The following SYNPR variants were observed in gnomAD, a reference collection of about 807,000 sequenced individuals.
The protein encoded by SYNPR is synaptoporin.
A neutral mutation model predicts 32.9 loss-of-function variants in SYNPR; 23 were observed. That is an observed-to-expected ratio of 0.70 (90% CI 0.50 to 0.99). The LOEUF (loss-of-function observed/expected upper bound fraction) is 0.99. Among genes scored for constraint, SYNPR ranks in the 50% least tolerant of loss-of-function variants. The probability of loss-of-function intolerance (pLI) is 0.00; values close to 1 mark genes in which losing one functional copy is unlikely to be tolerated. For synonymous variants in SYNPR, 146 were observed against 135.9 expected (o/e 1.07, Z -0.52); for missense variants, 318 against 349.3 (o/e 0.91, Z 0.71).
chr3:63,491,071 C>T (rs904866852), intron 3 of SYNPR, among the ~76,000 whole-genome samples: 1 of 152,046 alleles, frequency 6.6e-6, no homozygotes. Flanking sequence ...ATCACCGTGT[C>T]AGCAGTCAAA....
chr3:63,560,771 T>C (rs1235373539), intron 4 of SYNPR, among the ~76,000 whole-genome samples: 3 of 152,128 alleles, frequency 2.0e-5, no homozygotes, highest in African/African-American at 7.2e-5. Flanking sequence ...TCAGATCTCA[T>C]GAGAACTCAC....
intron 2 of SYNPR, among the ~76,000 whole-genome samples, chr3:63,434,786 A>C (rs1231490817): frequency 6.6e-6 from 1 of 152,266 alleles, no homozygotes; most frequent in Non-Finnish European, 1.5e-5. Context: ...ATAAAAAATA[A>C]TAGAAGGAAA....
At chr3:63,530,232 C>T (rs1702086768) in intron 3 of SYNPR, among the ~76,000 whole-genome samples, 1 of 152,118 alleles carries the variant, frequency 6.6e-6, no homozygotes, top group South Asian at 2.1e-4. Context: ...TTCACTGGGC[C>T]CAGCAAATTA....
At chr3:63,356,331 C>A (rs905255481) in intron 2 of SYNPR, among the ~76,000 whole-genome samples, 2 of 152,204 alleles carry the variant, frequency 1.3e-5, no homozygotes, top group Non-Finnish European at 2.9e-5. Flanking sequence ...ACTTGGACAA[C>A]TTCTATGGTG....
At chr3:63,205,889 C>T in the SYNPR span, among the ~76,000 whole-genome samples, 9 of 152,134 alleles carry the variant, frequency 5.9e-5, no homozygotes, top group Non-Finnish European at 1.3e-4. Flanking sequence ...CCATGAATCC[C>T]CAGAGCATGT....
intron 2 of SYNPR, among the ~76,000 whole-genome samples, chr3:63,302,298 A>T (rs1357789147): frequency 3.3e-5 from 5 of 152,138 alleles, no homozygotes; most frequent in Middle Eastern, 3.4e-3. Context: ...CATTCCCATT[A>T]TCCTTCAGAC....
At chr3:63,385,898 A>T (rs2088037127) in intron 2 of SYNPR, among the ~76,000 whole-genome samples, 1 of 152,236 alleles carries the variant, frequency 6.6e-6, no homozygotes, top group Non-Finnish European at 1.5e-5. Flanking sequence ...CTAACCTCAG[A>T]GAGCTAAAAG....
chr3:63,357,966 A>C (rs954031029), intron 2 of SYNPR, among the ~76,000 whole-genome samples: 1 of 152,176 alleles, frequency 6.6e-6, no homozygotes, highest in Non-Finnish European at 1.5e-5. Context: ...ACTAAAGAAA[A>C]AGGAAAATCT....
intron 3 of SYNPR, among the ~76,000 whole-genome samples, chr3:63,531,734 C>A (rs940530295): frequency 2.6e-5 from 4 of 152,112 alleles, no homozygotes; most frequent in Admixed American, 1.3e-4. Flanking sequence ...GCCCAGTGAG[C>A]CCTGGGAACA....
chr3:63,393,496 C>CTTTTTTTTTTTTTT (rs71631152), intron 2 of SYNPR, among the ~76,000 whole-genome samples: 20 of 84,506 alleles, frequency 2.4e-4, no homozygotes, highest in East Asian at 3.9e-4. Flanking sequence ...TCTTTCTTCT[C>CTTTTTTTTTTTTTT]TTTTTTTTTT....
intron 2 of SYNPR, among the ~76,000 whole-genome samples, chr3:63,291,178 A>G (rs1038380040): frequency 7.2e-5 from 11 of 152,256 alleles, no homozygotes; most frequent in African/African-American, 2.4e-4. Context: ...GCAGATCAAC[A>G]TCATTGAACC....
At chr3:63,370,994 T>C (rs1386125717) in intron 2 of SYNPR, among the ~76,000 whole-genome samples, 1 of 152,072 alleles carries the variant, frequency 6.6e-6, no homozygotes, top group Non-Finnish European at 1.5e-5. Flanking sequence ...GAAGAAACAG[T>C]GGTGAGTAAA....
At chr3:63,300,783 C>T (rs1331302423) in intron 2 of SYNPR, among the ~76,000 whole-genome samples, 1 of 152,000 alleles carries the variant, frequency 6.6e-6, no homozygotes, top group African/African-American at 2.4e-5. Flanking sequence ...TATCTGAAAC[C>T]ATATCCTCGC....
At chr3:63,211,342 C>T in the SYNPR span, among the ~76,000 whole-genome samples, 2 of 152,202 alleles carry the variant, frequency 1.3e-5, no homozygotes, top group Non-Finnish European at 2.9e-5. Context: ...GCTGGGATTA[C>T]AGGCATGAGC....
chr3:63,494,735 A>G (rs1701340117), intron 3 of SYNPR, among the ~76,000 whole-genome samples: 1 of 151,934 alleles, frequency 6.6e-6, no homozygotes, highest in South Asian at 2.1e-4. Flanking sequence ...ACTGAGATTG[A>G]ATGCCTTGCC....
At chr3:63,225,412 G>A (rs2086121069), upstream of SYNPR, among the ~76,000 whole-genome samples, 1 of 152,050 alleles carries the variant, frequency 6.6e-6, no homozygotes, top group Non-Finnish European at 1.5e-5. Flanking sequence ...TGGCTGGCAG[G>A]GAATCCAATT....
intron 5 of SYNPR, among the ~76,000 whole-genome samples, chr3:63,612,903 C>A (rs575761683): frequency 2.7e-5 from 4 of 147,234 alleles, no homozygotes; most frequent in Non-Finnish European, 4.5e-5. Flanking sequence ...CACTCCCCTC[C>A]TCTCCTCTCC....
At chr3:63,349,054 A>T (rs1316793595) in intron 2 of SYNPR, among the ~76,000 whole-genome samples, 1 of 151,884 alleles carries the variant, frequency 6.6e-6, no homozygotes, top group African/African-American at 2.4e-5. Context: ...TTTGATAAGG[A>T]CTGCATTAAA....
intron 3 of SYNPR, among the ~76,000 whole-genome samples, chr3:63,555,414 C>G (rs572602485): frequency 2.0e-5 from 3 of 151,962 alleles, no homozygotes; most frequent in Admixed American, 2.0e-4. Context: ...TTGCAAGTGC[C>G]TCCCTAATTA....
Sources: allele counts gnomAD v4.1 joint callset (sites outside exome capture counted in the v4.1 genomes callset), GRCh38; gene constraint gnomAD v4.1.1; transcripts MANE v1.5; gene names NCBI Gene and HGNC (gene_info 2026-07-23, HGNC 2026-07-21).